TRPC4: variants seen among roughly 807,000 people sequenced by gnomAD.
TRPC4 encodes the protein short transient receptor potential channel 4.
A neutral mutation model predicts 99.4 loss-of-function variants in TRPC4; 49 were observed. That is an observed-to-expected ratio of 0.49 (90% CI 0.39 to 0.63). The LOEUF (loss-of-function observed/expected upper bound fraction) is 0.63. Among genes scored for constraint, TRPC4 ranks in the 20% least tolerant of loss-of-function variants. The pLI is 0.00. For synonymous variants in TRPC4, 454 were observed against 425.9 expected (o/e 1.07, Z -0.81); for missense variants, 898 against 1,152.9 (o/e 0.78, Z 3.20).
intron 3 of TRPC4, among the ~76,000 whole-genome samples, chr13:37,726,277 T>C (rs1299018382): frequency 1.3e-5 from 2 of 152,086 alleles, no homozygotes; most frequent in Non-Finnish European, 2.9e-5. Context: ...AAGAGACAAA[T>C]GCATTTTAAA....
intron 3 of TRPC4, among the ~76,000 whole-genome samples, chr13:37,724,912 G>A (rs1309267669): frequency 1.3e-5 from 2 of 152,148 alleles, no homozygotes; most frequent in Non-Finnish European, 2.9e-5. Flanking sequence ...AACGTTAACT[G>A]TAAATCAATA....
intron 3 of TRPC4, among the ~76,000 whole-genome samples, chr13:37,717,928 A>G (rs1954736315): frequency 6.6e-6 from 1 of 152,118 alleles, no homozygotes; most frequent in Non-Finnish European, 1.5e-5. Context: ...GACAGTAAAA[A>G]CTTGGAAGAA....
intron 1 of TRPC4, among the ~76,000 whole-genome samples, chr13:37,791,918 G>A (rs1054862823): frequency 1.3e-5 from 2 of 152,132 alleles, no homozygotes; most frequent in African/African-American, 4.8e-5. Context: ...GCAGGAGTGC[G>A]ATGACTAAAG....
chr13:37,709,563 A>G (rs1954405328), intron 3 of TRPC4, among the ~76,000 whole-genome samples: 1 of 151,964 alleles, frequency 6.6e-6, no homozygotes, highest in Non-Finnish European at 1.5e-5. Flanking sequence ...TCAAAACTCC[A>G]GTAGTCCCTT....
chr13:37,637,045 T>C lies in TRPC4; in HGVS notation c.2792A>G (p.Lys931Arg), dbSNP rs1294186325. The change falls in exon 11 of 11, where the codon AAG (lysine) becomes AGG (arginine). Residue 931 changes from lysine to arginine, a missense_variant. Lys to Arg is a conservative substitution (Grantham distance 26, BLOSUM62 2). This residue lies in a region of TRPC4 where 346 missense variants were observed against 351.4 expected (regional missense o/e 0.98). Coordinates refer to ENST00000379705, the MANE Select transcript of TRPC4 (RefSeq NM_016179.4). ...LQVGKRVCPF[K>R]SEKVVVEDTV... is the part of the protein sequence containing the mutation. ...GTCCTCCACCACCACCTTCTCTGACTTGAATGGACACACTCTCTTTCCTAC... is the reference window on the plus strand; with the variant it reads ...GTCCTCCACCACCACCTTCTCTGACCTGAATGGACACACTCTCTTTCCTAC... The C allele has an allele frequency of 1.2e-6, 2 of 1,613,750 alleles. No homozygotes were observed. The highest frequency in any genetic ancestry group is 1.7e-4 in the Middle Eastern group (1 of 6,060).
intron 2 of TRPC4, among the ~76,000 whole-genome samples, chr13:37,778,254 C>T (rs1390458338): frequency 6.6e-6 from 1 of 151,338 alleles, no homozygotes; most frequent in African/African-American, 2.4e-5. Flanking sequence ...TGATCTGGGA[C>T]ATATTATTAC....
chr13:37,818,531 G>A (rs934564041), intron 1 of TRPC4, among the ~76,000 whole-genome samples: 4 of 152,092 alleles, frequency 2.6e-5, no homozygotes, highest in Non-Finnish European at 5.9e-5. Flanking sequence ...ATTCACAATA[G>A]CAAATACTTG....
At chr13:37,827,946 C>T (rs1330553652) in intron 1 of TRPC4, among the ~76,000 whole-genome samples, 18 of 152,120 alleles carry the variant, frequency 1.2e-4, no homozygotes, top group South Asian at 2.1e-4. Flanking sequence ...TAGGACCCTC[C>T]GAGCCAGGTG....
chr13:37,782,843 A>G (rs939586385), intron 2 of TRPC4, 113 bp downstream of exon 2: 5 of 1,081,602 alleles, frequency 4.6e-6, no homozygotes, highest in East Asian at 2.7e-5. Context: ...TGAAGCTTAT[A>G]TTTCTTAAAT....
chr13:37,638,719 TGTTA>T (rs201213411), intron 10 of TRPC4, among the ~76,000 whole-genome samples: 1,911 of 152,292 alleles, frequency 0.013, 26 homozygotes, highest in Middle Eastern at 0.024. Flanking sequence ...GTTGTCAGTG[TGTTA>T]GTTAGTAAAT....
At chr13:37,859,463 AAAGAGT>A (rs1165978219) in intron 1 of TRPC4, among the ~76,000 whole-genome samples, 1 of 151,440 alleles carries the variant, frequency 6.6e-6, no homozygotes, top group African/African-American at 2.4e-5. Context: ...GCTGATAATA[AAAGAGT>A]AAGAGAAAAC....
chr13:37,656,469 C>T (rs1028096350), intron 6 of TRPC4, among the ~76,000 whole-genome samples: 1 of 151,988 alleles, frequency 6.6e-6, no homozygotes, highest in East Asian at 1.9e-4. Context: ...CCCTGTATGC[C>T]CTTTTATGGA....
intron 4 of TRPC4, among the ~76,000 whole-genome samples, chr13:37,680,023 C>T (rs1953183731): frequency 6.6e-6 from 1 of 152,092 alleles, no homozygotes; most frequent in South Asian, 2.1e-4. Flanking sequence ...AAAGAGGCAG[C>T]GTAAACAAGA....
intron 1 of TRPC4, among the ~76,000 whole-genome samples, chr13:37,818,780 A>G (rs1039248159): frequency 1.3e-5 from 2 of 152,110 alleles, no homozygotes; most frequent in African/African-American, 4.8e-5. Context: ...GGAGGGGAAC[A>G]TCACATACCA....
rs187131713 is a variant in TRPC4, at chr13:37,792,038, G to A, written c.-27-8678C>T. Among the ~76,000 whole-genome samples the A allele has an allele frequency of 5.9e-5, 9 of 152,244 alleles. No homozygotes were observed. In the East Asian group the frequency reaches 1.2e-3, roughly 20 times the overall value. On this transcript the variant is annotated intron_variant, in intron 1 of 10. Coordinates refer to ENST00000379705, the MANE Select transcript of TRPC4 (RefSeq NM_016179.4). ...ATAGGAAGTTACAGAAGGGCTTTGT[G>A]TGAGGTAATAACATAATCTGATTTC...
At chr13:37,793,021 G>A (rs1747157) in intron 1 of TRPC4, among the ~76,000 whole-genome samples, 88,256 of 151,880 alleles carry the variant, frequency 0.58, 26,004 homozygotes, top group Admixed American at 0.69. Context: ...AAACTGCAGA[G>A]TAGTGTATTA....
chr13:37,745,446 A>ATATATATATATATGCG (rs1566138040), intron 3 of TRPC4, among the ~76,000 whole-genome samples: 2 of 3,420 alleles, frequency 5.8e-4, no homozygotes, highest in Non-Finnish European at 2.4e-3. Flanking sequence ...GTATATATAT[A>ATATATATATATATGCG]TATATATATA....
chr13:37,814,498 A>G (rs1316284201), intron 1 of TRPC4, among the ~76,000 whole-genome samples: 1 of 151,878 alleles, frequency 6.6e-6, no homozygotes, highest in Non-Finnish European at 1.5e-5. Flanking sequence ...AAAATTAATT[A>G]TATGTTTATA....
intron 3 of TRPC4, among the ~76,000 whole-genome samples, chr13:37,728,837 T>C (rs1200311490): frequency 6.6e-6 from 1 of 152,034 alleles, no homozygotes; most frequent in East Asian, 1.9e-4. Context: ...CCAGACATAA[T>C]CACCAGTGAA....
Sources: gnomAD v4.1 joint callset for allele counts (sites outside exome capture counted in the v4.1 genomes callset) on GRCh38, gnomAD v4.1.1 for gene constraint, gnomAD v4.1.1 regional missense constraint, MANE v1.5 for transcripts, NCBI Gene and HGNC (gene_info 2026-07-23, HGNC 2026-07-21) for gene names.